The following KLC3 variants were observed in gnomAD, a reference collection of about 807,000 sequenced individuals.
The protein encoded by KLC3 is kinesin light chain 3.
KLC3 carries 72 observed loss-of-function variants against 62.9 expected under a neutral mutation model. The ratio of observed to expected loss-of-function variants is 1.15; its 90% confidence interval spans 0.95 to 1.39. The LOEUF (loss-of-function observed/expected upper bound fraction) is 1.39. Among genes scored for constraint, KLC3 ranks in the 40% most tolerant of loss-of-function variants. The probability of loss-of-function intolerance (pLI) is 0.00; values close to 1 mark genes in which losing one functional copy is unlikely to be tolerated. For synonymous variants in KLC3, 377 were observed against 300.5 expected (o/e 1.25, Z -2.63); for missense variants, 848 against 691.6 (o/e 1.23, Z -2.54).
chr19:45,342,905 C>T (rs200425571), intron 1 of KLC3, among the ~76,000 whole-genome samples: 2 of 152,190 alleles, frequency 1.3e-5, no homozygotes, highest in Non-Finnish European at 1.5e-5. Flanking sequence ...TGTATGTGAT[C>T]GTGCATGTAC....
Position 45,351,267 on chromosome 19 carries a change from C to A in KLC3, c.1444-19C>A. Reference sequence around the variant, plus strand: ...TGCCCCTCACCTCCCCTCCAACCATCCCCTGTGCCTGTCTCCAGTTTCCCA... The same window carrying A: ...TGCCCCTCACCTCCCCTCCAACCATACCCTGTGCCTGTCTCCAGTTTCCCA... On this transcript the variant is annotated intron_variant, in intron 12 of 12. Transcript: ENST00000391946. 6.2e-7 allele frequency: 1 copy of A among 1,611,112 alleles called. No individual in the cohort carries two copies.
At chr19:45,341,221 CGT>C (rs750307403) in intron 1 of KLC3, among the ~76,000 whole-genome samples, 5 of 140,888 alleles carry the variant, frequency 3.5e-5, no homozygotes, top group Admixed American at 2.1e-4. Context: ...TGTGGCTTTG[CGT>C]GTGTGTAAGA....
chr19:45,349,659 C>T, intron 8 of KLC3, 57 bp downstream of exon 8: 2 of 1,338,460 alleles, frequency 1.5e-6, no homozygotes, highest in Non-Finnish European at 2.0e-6. Flanking sequence ...CCTGGGGAGG[C>T]ACCCATTGGT....
rs187762935 is a variant in KLC3 at position 45,345,712 on chromosome 19, G to A, written c.171G>A (p.Pro57=). The A allele has an allele frequency of 9.5e-4, 1,486 of 1,565,296 alleles. 5 individuals are homozygous for A. The African/African-American group carries it at 0.012, about 13-fold the overall frequency. The part of the protein sequence containing the change: ...HLAEALAGQG[P]AAGLEMLEEK... ...CGGAGGCCCTGGCGGGACAGGGCCC[G>A]GCAGCCGGCTTGGAGATGCTGGAGG... Residue 57 remains proline, a synonymous_variant, in exon 2 of 13, where the codon CCG becomes CCA. Coordinates refer to ENST00000391946, the MANE Select transcript of KLC3 (RefSeq NM_177417.3).
intron 11 of KLC3, 21 bp downstream of exon 11, chr19:45,350,768 C>A: frequency 1.9e-6 from 3 of 1,594,288 alleles, no homozygotes; most frequent in East Asian, 2.3e-5. Flanking sequence ...ATCAGGTCGG[C>A]AAAGAGCCCT....
In KLC3 at chr19:45,351,390, G is replaced by GACCC; in HGVS notation, c.*33_*34insACCC. The GACCC allele has an allele frequency of 6.2e-7, 1 of 1,606,562 alleles. No homozygotes were observed. The highest frequency in any genetic ancestry group is 8.5e-7 in the Non-Finnish European group (1 of 1,179,848). ...TGAACTGCGCTGGCCGCAGCTTCTT[G>GACCC]GGAACAGTGCAGGAGGGATGGGCTG... On this transcript the variant is annotated 3_prime_UTR_variant, in exon 13 of 13. Transcript: ENST00000391946.
intron 5 of KLC3, 24 bp from the exon 6 acceptor site, chr19:45,348,622 C>G (rs1263593355): frequency 6.4e-7 from 1 of 1,556,136 alleles, no homozygotes; most frequent in Non-Finnish European, 8.7e-7. Context: ...CTAACCCCCT[C>G]CATTCCTGGG....
chr19:45,351,188 G>A (rs558802285), intron 12 of KLC3, 98 bp from the exon 13 acceptor site: 31 of 1,584,936 alleles, frequency 2.0e-5, no homozygotes, highest in African/African-American at 1.9e-4. Flanking sequence ...AGGCGAGGGG[G>A]TTGGATAGTT....
intron 2 of KLC3, 109 bp downstream of exon 2, chr19:45,345,908 C>T (rs932322106): frequency 4.8e-5 from 59 of 1,226,576 alleles, no homozygotes; most frequent in African/African-American, 9.1e-5. Context: ...TTCACTATTG[C>T]AGAGGGGCAC....
At chr19:45,349,242 G>T (rs1971594784) in intron 7 of KLC3, among the ~76,000 whole-genome samples, 187 bp from the exon 8 acceptor site, 1 of 151,948 alleles carries the variant, frequency 6.6e-6, no homozygotes, top group Non-Finnish European at 1.5e-5. Flanking sequence ...CACGTTTCTG[G>T]ACCACCATGA....
intron 4 of KLC3, 148 bp downstream of exon 4, chr19:45,347,664 CT>C (rs1284660774): frequency 9.3e-6 from 7 of 752,746 alleles, no homozygotes; most frequent in Non-Finnish European, 1.5e-5. Flanking sequence ...GCAGGTGAGG[CT>C]GGGAGCCACA....
chr19:45,344,109 G>A (rs1438718021), intron 1 of KLC3, among the ~76,000 whole-genome samples: 1 of 151,256 alleles, frequency 6.6e-6, no homozygotes, highest in Non-Finnish European at 1.5e-5. Flanking sequence ...TCGGAGTACA[G>A]GTGTGAGCCA....
At position 45,345,534 on chromosome 19, in the gene KLC3, G is replaced by A; in HGVS notation, c.-8G>A. The A allele has an allele frequency of 6.4e-7, 1 of 1,561,140 alleles. No individual in the cohort carries two copies. The highest frequency in any genetic ancestry group is 8.7e-7 in the Non-Finnish European group (1 of 1,153,182). On this transcript the variant is annotated splice_region_variant and 5_prime_UTR_variant, in exon 2 of 13. Coordinates refer to ENST00000391946, the MANE Select transcript of KLC3 (RefSeq NM_177417.3). ...CAAACCCCTCACCATTGCTCCCCAG[G>A]AGCAGCAATGTCTGTGCAGGTAGCG...
At chr19:45,346,808 G>A in intron 3 of KLC3, 34 bp downstream of exon 3, 1 of 1,470,360 alleles carries the variant, frequency 6.8e-7, no homozygotes, top group South Asian at 1.2e-5. Flanking sequence ...GGGGTGCTGG[G>A]CCCTTCATAG....
At chr19:45,347,374 G>C in intron 3 of KLC3, 73 bp from the exon 4 acceptor site, 1 of 1,049,520 alleles carries the variant, frequency 9.5e-7, no homozygotes, top group South Asian at 1.4e-5. Flanking sequence ...ACAAAAACCT[G>C]AGATAGAGCC....
At position 45,351,511 on chromosome 19, in the gene KLC3, T is replaced by C; in HGVS notation, c.*154T>C. On this transcript the variant is annotated 3_prime_UTR_variant, in exon 13 of 13. Transcript: ENST00000391946. ...CTCCTGCGATTAAAGGCTGTGGACG[T>C]GACAGTGAGAAATGTCACCTGACTT... 1 of 1,590,694 alleles carries C rather than the reference T, an allele frequency of 6.3e-7. No homozygotes were observed. The highest frequency in any genetic ancestry group is 8.5e-7 in the Non-Finnish European group (1 of 1,172,474).
chr19:45,342,512 C>A (rs1163573229), intron 1 of KLC3, among the ~76,000 whole-genome samples: 1 of 152,152 alleles, frequency 6.6e-6, no homozygotes, highest in African/African-American at 2.4e-5. Context: ...GTAATCCCAG[C>A]ACTTTGGGAG....
intron 12 of KLC3, 125 bp from the exon 13 acceptor site, chr19:45,351,161 G>A (rs1971748100): frequency 4.4e-6 from 7 of 1,589,418 alleles, no homozygotes; most frequent in Non-Finnish European, 5.1e-6. Context: ...AGCAAAGATG[G>A]GTTTTACTTG....
rs1171659739 is a variant in KLC3 at position 45,348,010 on chromosome 19, T to C, written c.629T>C (p.Leu210Pro). ...GYEIPARLRT[L>P]HNLVIQYAGQ... is the part of the protein sequence containing the mutation. ...GAGATCCCTGCCCGCCTTCGGACCCTGCATAACCTCGTGATCCAGTACGCG... is the reference window on the plus strand; with the variant it reads ...GAGATCCCTGCCCGCCTTCGGACCCCGCATAACCTCGTGATCCAGTACGCG... The change falls in exon 5 of 13, where the codon CTG (leucine) becomes CCG (proline). Residue 210 changes from leucine to proline, a missense_variant. Transcript: ENST00000391946. The C allele has an allele frequency of 1.9e-6, 3 of 1,608,774 alleles. 1 individual carries two copies. The highest frequency in any genetic ancestry group is 3.4e-5 in the Admixed American group (2 of 59,306).
Sources: allele counts gnomAD v4.1 joint callset (sites outside exome capture counted in the v4.1 genomes callset), GRCh38; gene constraint gnomAD v4.1.1; transcripts MANE v1.5; gene names NCBI Gene and HGNC (gene_info 2026-07-23, HGNC 2026-07-21).